Variants in PTCHD4 observed in about 807,000 individuals in gnomAD.
PTCHD4 encodes the protein patched domain containing 4, also known as patched domain-containing protein 4.
A neutral mutation model predicts 58.1 loss-of-function variants in PTCHD4; 33 were observed. The observed-to-expected ratio is 0.57, with a 90% CI of 0.43 to 0.76. The LOEUF (loss-of-function observed/expected upper bound fraction) is 0.76, where lower values mean the gene tolerates loss of function less well. Ranked by LOEUF, PTCHD4 falls within the 30% of genes least tolerant of loss-of-function variation. PTCHD4 has a pLI of 0.00. For missense variants in PTCHD4, 1,058 were observed against 1,027.1 expected (o/e 1.03, Z -0.41); for synonymous variants, 478 against 409.6 (o/e 1.17, Z -2.02).
chr6:47,932,618 A>C (rs1253285242), intron 4 of PTCHD4, among the ~76,000 whole-genome samples: 4 of 152,238 alleles, frequency 2.6e-5, no homozygotes, highest in Non-Finnish European at 1.5e-5. Context: ...TACATCTCAG[A>C]ATGGCCTGCA....
chr6:47,968,262 A>C (rs923334235), intron 4 of PTCHD4, among the ~76,000 whole-genome samples: 2 of 152,144 alleles, frequency 1.3e-5, no homozygotes, highest in African/African-American at 4.8e-5. Context: ...CAGAACACAG[A>C]CTATATTTAT....
intron 3 of PTCHD4, among the ~76,000 whole-genome samples, chr6:48,063,888 T>C (rs1036895578): frequency 6.6e-6 from 1 of 152,204 alleles, no homozygotes; most frequent in African/African-American, 2.4e-5. Context: ...TCACTTTTCA[T>C]GTTGGCTTAA....
intron 4 of PTCHD4, among the ~76,000 whole-genome samples, chr6:47,899,162 G>T (rs114019471): frequency 7.5e-4 from 114 of 152,286 alleles, no homozygotes; most frequent in Non-Finnish European, 1.3e-3. Flanking sequence ...CAACTCCTGG[G>T]ATTCTCACAG....
chr6:48,040,881 C>T (rs1763821533), intron 3 of PTCHD4, among the ~76,000 whole-genome samples: 1 of 152,008 alleles, frequency 6.6e-6, no homozygotes, highest in Non-Finnish European at 1.5e-5. Flanking sequence ...AGTGCAGCAC[C>T]TACAAAGACG....
chr6:47,879,328 T>C lies in PTCHD4; in HGVS notation c.1507A>G (p.Met503Val). ...ASDSPSVSYA[M>V]VQQKYFSNYS... ...TTGCTGAAATATTTCTGCTGAACCA[T>C]GGCATAGGAAACACTTGGCGAATCA... Residue 503 changes from methionine (M) to valine (V), a missense_variant, in exon 5 of 5, where the codon ATG (methionine) becomes GTG (valine). Coordinates refer to ENST00000339488, the MANE Select transcript of PTCHD4 (RefSeq NM_001384253.1). 1 of 1,613,196 alleles carries C rather than the reference T, an allele frequency of 6.2e-7. No homozygotes were observed. The highest frequency in any genetic ancestry group is 8.5e-7 in the Non-Finnish European group (1 of 1,179,590).
intron 4 of PTCHD4, among the ~76,000 whole-genome samples, chr6:47,909,669 C>T (rs778686995): frequency 6.6e-6 from 1 of 152,082 alleles, no homozygotes; most frequent in African/African-American, 2.4e-5. Context: ...CCTCAAACTT[C>T]TGGCTTCAAG....
chr6:47,989,806 C>T (rs567043676), intron 4 of PTCHD4, among the ~76,000 whole-genome samples: 4 of 152,252 alleles, frequency 2.6e-5, no homozygotes, highest in East Asian at 1.9e-4. Context: ...AATGTGGGGT[C>T]GGAGACCCCA....
chr6:48,049,280 A>G (rs942631580), intron 3 of PTCHD4, among the ~76,000 whole-genome samples: 1 of 151,840 alleles, frequency 6.6e-6, no homozygotes, highest in Admixed American at 6.6e-5. Flanking sequence ...ACAAAGAATC[A>G]TCTGGCCCCA....
intron 3 of PTCHD4, among the ~76,000 whole-genome samples, chr6:48,011,224 A>G (rs1056213895): frequency 6.6e-6 from 1 of 152,104 alleles, no homozygotes; most frequent in Non-Finnish European, 1.5e-5. Context: ...ATTTCTCCAC[A>G]TCCTCTCCAG....
chr6:48,026,917 AT>A (rs58551881), intron 3 of PTCHD4, among the ~76,000 whole-genome samples: 78 of 148,524 alleles, frequency 5.3e-4, no homozygotes, highest in African/African-American at 1.6e-3. Flanking sequence ...AATTTGTCCC[AT>A]TTTTTTTTTT....
At chr6:48,102,492 T>A (rs183035055) in intron 1 of PTCHD4, among the ~76,000 whole-genome samples, 44 of 152,322 alleles carry the variant, frequency 2.9e-4, no homozygotes, top group Admixed American at 1.4e-3. Flanking sequence ...GGAGCCAAGA[T>A]GGCCAAATAG....
At chr6:47,914,558 G>A (rs773391342) in intron 4 of PTCHD4, among the ~76,000 whole-genome samples, 3 of 151,676 alleles carry the variant, frequency 2.0e-5, no homozygotes, top group Non-Finnish European at 4.4e-5. Flanking sequence ...GACATATTAT[G>A]GGAGCTCTCA....
chr6:47,964,545 C>T (rs555311931), intron 4 of PTCHD4, among the ~76,000 whole-genome samples: 18 of 152,132 alleles, frequency 1.2e-4, no homozygotes, highest in South Asian at 4.2e-4. Context: ...CATAGACTGA[C>T]GATAATATAT....
At chr6:48,035,271 A>C (rs908657227) in intron 3 of PTCHD4, among the ~76,000 whole-genome samples, 6 of 152,036 alleles carry the variant, frequency 3.9e-5, no homozygotes, top group Non-Finnish European at 8.8e-5. Context: ...AATAATAACA[A>C]ATTACAAAGA....
intron 1 of PTCHD4, among the ~76,000 whole-genome samples, chr6:48,082,004 T>C (rs1002636910): frequency 2.6e-5 from 4 of 152,198 alleles, no homozygotes; most frequent in African/African-American, 7.2e-5. Context: ...CATTCTGATA[T>C]TCAGGCTGTT....
chr6:47,914,071 C>T (rs1167474310), intron 4 of PTCHD4, among the ~76,000 whole-genome samples: 2 of 152,018 alleles, frequency 1.3e-5, no homozygotes, highest in Non-Finnish European at 2.9e-5. Flanking sequence ...ATATGAATAA[C>T]AGTGGGAAAA....
At position 47,869,839 on chromosome 6, in the gene PTCHD4, T is replaced by C. The variant is rs1474230137; in HGVS notation, c.*8464A>G. Among the ~76,000 whole-genome samples, 1 of 151,688 alleles carries C rather than the reference T, an allele frequency of 6.6e-6. No homozygotes were observed. Among genetic ancestry groups the C allele is most frequent in the Non-Finnish European group, 1.5e-5 (1 of 67,760 alleles). ...AAGATGTTTTGTTTAGGAAGTTTAA[T>C]TCTTAGCCTAGAATTAAAAGGTAGC... On this transcript the variant is annotated 3_prime_UTR_variant, in exon 5 of 5. Transcript: ENST00000339488.
In PTCHD4 at chr6:47,878,797, G is replaced by C; in HGVS notation, c.2038C>G (p.Leu680Val). The C allele has an allele frequency of 6.2e-7, 1 of 1,613,696 alleles. No homozygotes were observed. Among genetic ancestry groups the C allele is most frequent in the Non-Finnish European group, 8.5e-7 (1 of 1,179,776 alleles). Residue 680 changes from leucine (L) to valine (V), a missense_variant, in exon 5 of 5, where the codon CTG becomes GTG. Transcript: ENST00000339488. ...ILTFFLVIHP[L>V]GNFWLILSVT... ...CTAAGAATTAGCCAGAAGTTTCCCA[G>C]AGGGTGGATCACTAGGAAAAAAGTC... is the stretch of plus-strand genomic sequence containing the variant.
At chr6:47,893,912 T>A (rs1183569713) in intron 4 of PTCHD4, among the ~76,000 whole-genome samples, 1 of 152,268 alleles carries the variant, frequency 6.6e-6, no homozygotes, top group Non-Finnish European at 1.5e-5. Flanking sequence ...TGGATTAAAC[T>A]AATTGAGGCA....
Sources: gnomAD v4.1 joint callset for allele counts (sites outside exome capture counted in the v4.1 genomes callset) on GRCh38, gnomAD v4.1.1 for gene constraint, MANE v1.5 for transcripts, NCBI Gene and HGNC (gene_info 2026-07-23, HGNC 2026-07-21) for gene names.